ROBO1: variants seen among roughly 807,000 people sequenced by gnomAD.
ROBO1 encodes roundabout guidance receptor 1.
Under a neutral mutation model 195.9 loss-of-function variants are expected in ROBO1, and 149 were observed. The ratio of observed to expected loss-of-function variants is 0.76; its 90% CI spans 0.67 to 0.87. The LOEUF is 0.87. Among genes scored for constraint, ROBO1 ranks in the 40% least tolerant of loss-of-function variants. The probability of loss-of-function intolerance (pLI) is 0.00; values close to 1 mark genes in which losing one functional copy is unlikely to be tolerated. For missense variants in ROBO1, 1,933 were observed against 2,068.3 expected, an observed-to-expected ratio of 0.93 and a Z score of 1.27; for synonymous variants, 816 against 733.2, an observed-to-expected ratio of 1.11 and a Z score of -1.82.
intron 4 of ROBO1, among the ~76,000 whole-genome samples, chr3:78,881,429 G>C (rs982884492): frequency 1.3e-5 from 2 of 152,100 alleles, no homozygotes; most frequent in Non-Finnish European, 2.9e-5. Context: ...TTTATATCTG[G>C]CACTAAAAAA....
chr3:78,944,199 C>T (rs879372531), intron 3 of ROBO1, among the ~76,000 whole-genome samples: 1 of 152,198 alleles, frequency 6.6e-6, no homozygotes, highest in Non-Finnish European at 1.5e-5. Context: ...GATTCAAAGT[C>T]CTTGCTCTTT....
At chr3:79,236,926 A>C (rs1211471777) in intron 2 of ROBO1, among the ~76,000 whole-genome samples, 1 of 152,204 alleles carries the variant, frequency 6.6e-6, no homozygotes, top group African/African-American at 2.4e-5. Flanking sequence ...GCTGCGTTCT[A>C]CTGGAAGACT....
intron 1 of ROBO1, among the ~76,000 whole-genome samples, chr3:79,646,278 A>C (rs2106710036): frequency 6.6e-6 from 1 of 152,296 alleles, no homozygotes. Flanking sequence ...TCAAAAGAAG[A>C]CACACAAATG....
chr3:79,487,239 T>C (rs933078410), intron 2 of ROBO1, among the ~76,000 whole-genome samples: 3 of 150,818 alleles, frequency 2.0e-5, no homozygotes, highest in East Asian at 3.9e-4. Flanking sequence ...TTCGTTGTTA[T>C]AGAGGTCCCA....
At chr3:79,577,717 A>AACACACACAG in intron 2 of ROBO1, among the ~76,000 whole-genome samples, 1 of 140,720 alleles carries the variant, frequency 7.1e-6, no homozygotes, top group African/African-American at 2.6e-5. Context: ...CTTTACTAAA[A>AACACACACAG]ACACACACAC....
intron 3 of ROBO1, among the ~76,000 whole-genome samples, chr3:79,049,149 G>A (rs765228470): frequency 6.6e-6 from 1 of 152,004 alleles, no homozygotes; most frequent in African/African-American, 2.4e-5. Flanking sequence ...TAAAAATCTT[G>A]AAAAAGGTTA....
chr3:79,522,595 C>A (rs998591446), intron 2 of ROBO1, among the ~76,000 whole-genome samples: 1 of 152,182 alleles, frequency 6.6e-6, no homozygotes, highest in Admixed American at 6.5e-5. Flanking sequence ...ACTTTTGTAT[C>A]CTTGATACCT....
At chr3:78,729,192 T>C (rs2082232260) in intron 5 of ROBO1, among the ~76,000 whole-genome samples, 1 of 152,212 alleles carries the variant, frequency 6.6e-6, no homozygotes, top group Non-Finnish European at 1.5e-5. Flanking sequence ...TGTTTGCTGC[T>C]GCAGAAGCAC....
intron 2 of ROBO1, among the ~76,000 whole-genome samples, chr3:79,365,576 A>G (rs1044459101): frequency 2.0e-5 from 3 of 152,042 alleles, no homozygotes; most frequent in Non-Finnish European, 2.9e-5. Context: ...CTGCACTTCT[A>G]TTTTTAACTC....
chr3:79,190,715 T>C (rs1428105234), intron 2 of ROBO1, among the ~76,000 whole-genome samples: 1 of 151,664 alleles, frequency 6.6e-6, no homozygotes, highest in Non-Finnish European at 1.5e-5. Flanking sequence ...AATTACTATA[T>C]TATATGAATA....
intron 2 of ROBO1, among the ~76,000 whole-genome samples, chr3:79,508,666 G>A (rs114797962): frequency 1.3e-5 from 2 of 152,088 alleles, no homozygotes; most frequent in African/African-American, 2.4e-5. Context: ...TGTTAGTATT[G>A]TAAAACAGAA....
intron 1 of ROBO1, among the ~76,000 whole-genome samples, chr3:79,684,252 T>C (rs1466604690): frequency 2.6e-5 from 4 of 152,196 alleles, no homozygotes; most frequent in African/African-American, 9.6e-5. Context: ...GCACTTCTTT[T>C]TGGAGAAATA....
chr3:78,724,687 C>CA (rs1208762566), intron 5 of ROBO1, among the ~76,000 whole-genome samples: 10 of 151,126 alleles, frequency 6.6e-5, no homozygotes, highest in Non-Finnish European at 1.0e-4. Flanking sequence ...GTCACACACA[C>CA]AAAAAAAGCA....
At chr3:79,568,338 T>G (rs1943157077) in intron 2 of ROBO1, among the ~76,000 whole-genome samples, 1 of 152,106 alleles carries the variant, frequency 6.6e-6, no homozygotes, top group Non-Finnish European at 1.5e-5. Context: ...ATGTCTTAAA[T>G]CATCACCATA....
chr3:79,222,189 G>A (rs2082152520), intron 2 of ROBO1, among the ~76,000 whole-genome samples: 1 of 152,032 alleles, frequency 6.6e-6, no homozygotes, highest in African/African-American at 2.4e-5. Context: ...TTTTCAAGAT[G>A]TTACTGCTTT....
chr3:79,316,868 T>C (rs997391602), intron 2 of ROBO1, among the ~76,000 whole-genome samples: 15 of 152,232 alleles, frequency 9.9e-5, no homozygotes, highest in African/African-American at 2.6e-4. Context: ...CTCTAGATCA[T>C]AGAACATTGT....
At chr3:79,600,648 G>C (rs1035257503) in intron 1 of ROBO1, among the ~76,000 whole-genome samples, 117 of 96,074 alleles carry the variant, frequency 1.2e-3, no homozygotes, top group Non-Finnish European at 2.5e-3. Flanking sequence ...AACGCCTGCT[G>C]ATTTTTTTTT....
intron 2 of ROBO1, among the ~76,000 whole-genome samples, chr3:79,369,156 T>C (rs955743825): frequency 1.3e-5 from 2 of 152,100 alleles, no homozygotes; most frequent in African/African-American, 4.8e-5. Context: ...AAATGAACAA[T>C]CTTAAACCAG....
chr3:78,677,535 T>C (rs1485145642), intron 10 of ROBO1, among the ~76,000 whole-genome samples: 2 of 151,666 alleles, frequency 1.3e-5, no homozygotes, highest in Non-Finnish European at 2.9e-5. Context: ...TAGTCTCTGA[T>C]AAAACAGACT....
Sources: allele counts gnomAD v4.1 joint callset (sites outside exome capture counted in the v4.1 genomes callset), GRCh38; gene constraint gnomAD v4.1.1; transcripts MANE v1.5; gene names NCBI Gene and HGNC (gene_info 2026-07-23, HGNC 2026-07-21).